Variants in TYMP observed in about 807,000 individuals in gnomAD.
TYMP encodes gliostatin.
In TYMP, 46 loss-of-function variants were observed where a neutral mutation model predicts 42.3. The ratio of observed to expected loss-of-function variants is 1.09; its 90% CI spans 0.86 to 1.39. TYMP has a LOEUF of 1.39. Ranked by LOEUF, TYMP falls within the 40% of genes most tolerant of loss-of-function variation. The probability of loss-of-function intolerance (pLI) is 0.00; values close to 1 mark genes in which losing one functional copy is unlikely to be tolerated. For missense variants in TYMP, 837 were observed against 677.6 expected (o/e 1.24, Z -2.61); for synonymous variants, 363 against 308.0 (o/e 1.18, Z -1.87).
intron 2 of TYMP, 44 bp from the exon 3 acceptor site, chr22:50,529,382 G>A (rs776983397): frequency 1.2e-6 from 2 of 1,607,524 alleles, no homozygotes; most frequent in Non-Finnish European, 1.7e-6. Flanking sequence ...CCACAGCGGT[G>A]GGGCACCCTG....
At position 50,527,815 on chromosome 22, in the gene TYMP, C is replaced by T. The variant is rs901343978; in HGVS notation, c.517-98G>A. On this transcript the variant is annotated intron_variant, in intron 4 of 9. Transcript: ENST00000252029. ...TTCTGTGAAGAGTCTTCCTCTGTTGCCCAGGCTGGAGTGCAGTTGGCACAA... is the reference window on the plus strand; with the variant it reads ...TTCTGTGAAGAGTCTTCCTCTGTTGTCCAGGCTGGAGTGCAGTTGGCACAA... 9 of 1,512,972 alleles carry T rather than the reference C, an allele frequency of 5.9e-6. No individual in the cohort carries two copies. The Admixed American group carries it at 1.1e-4, about 19-fold the overall frequency. 93.7% of individuals were successfully genotyped at this position (1,512,972 alleles called of 1,614,324 possible).
At position 50,529,638 on chromosome 22, in the gene TYMP, C is replaced by G; in HGVS notation, c.72G>C (p.Gln24His). 1 of 1,612,616 alleles carries G rather than the reference C, an allele frequency of 6.2e-7. No individual in the cohort carries two copies. The highest frequency in any genetic ancestry group is 8.5e-7 in the Non-Finnish European group (1 of 1,179,768). ...APGDFSGEGS[Q>H]GLPDPSPEPK... Reference sequence around the variant, plus strand: ...GCTCTGGCGAAGGGTCGGGAAGTCCCTGGCTCCCTTCCCCGGAGAAGTCAC... The same window carrying G: ...GCTCTGGCGAAGGGTCGGGAAGTCCGTGGCTCCCTTCCCCGGAGAAGTCAC... The change falls in exon 2 of 10, where the codon CAG becomes CAC. Residue 24 changes from glutamine to histidine, a missense_variant. Gln to His is a conservative substitution (Grantham distance 24). Transcript: ENST00000252029.
In TYMP at chr22:50,526,324, A is replaced by G. The variant is rs773643115; in HGVS notation, c.1081T>C (p.Cys361Arg). The G allele has an allele frequency of 1.9e-6, 3 of 1,562,406 alleles. No individual in the cohort carries two copies. Among genetic ancestry groups the G allele is most frequent in the Admixed American group, 1.8e-5 (1 of 56,456 alleles). ...CGGCGTTCTGCGGGACTTCCCGAGC[A>G]CAGGGCTCGGGCCAGACCGGGATCC... ...GVDPGLARAL[C>R]SGSPAERRQL... is the part of the protein sequence containing the mutation. The change falls in exon 8 of 10, where the codon TGC becomes CGC. Residue 361 changes from cysteine to arginine, a missense_variant. Cys to Arg is a radical substitution (Grantham distance 180). Transcript: ENST00000252029.
In TYMP at chr22:50,525,980, C is replaced by T. The variant is rs1433833468; in HGVS notation, c.1300+21G>A. ...GAGCTGGGCGGGGGTGCGGGGCCAGCAGGGCGGGGGCGGCGCTCACCACGG... is the reference window on the plus strand; with the variant it reads ...GAGCTGGGCGGGGGTGCGGGGCCAGTAGGGCGGGGGCGGCGCTCACCACGG... On this transcript the variant is annotated intron_variant, in intron 9 of 9. Transcript: ENST00000252029. The T allele has an allele frequency of 1.1e-5, 16 of 1,391,690 alleles. No individual in the cohort carries two copies. The East Asian group carries it at 4.2e-4, about 37-fold the overall frequency. The allele number at this position is 1,391,690 out of a possible 1,614,324, so 86.2% of individuals were successfully genotyped here. A position where few individuals can be genotyped will look rare whatever the true frequency, so the allele number is the denominator to read the frequency against.
In TYMP at chr22:50,526,442, C is replaced by G. The variant is rs1233240253; in HGVS notation, c.963G>C (p.Gly321=). The G allele has an allele frequency of 1.3e-6, 2 of 1,498,168 alleles. No individual in the cohort carries two copies. The highest frequency in any genetic ancestry group is 1.8e-6 in the Non-Finnish European group (2 of 1,133,012). The allele number at this position is 1,498,168 out of a possible 1,614,324, so 92.8% of individuals were successfully genotyped here. The change falls in exon 8 of 10, where the codon GGG becomes GGC. Residue 321 remains glycine (G), a synonymous_variant. Transcript: ENST00000252029. The part of the protein sequence containing the change: ...GALLWLSGHA[G]TQAQGAARVA... The stretch of plus-strand genomic sequence containing the variant: ...CCCGGGCAGCGCCCTGGGCCTGAGT[C>G]CCCGCGTGTCCGCTGAGCCAGAGCA...
At chr22:50,528,661 T>A (rs769697300) in intron 3 of TYMP, 51 bp from the exon 4 acceptor site, 2 of 1,406,500 alleles carry the variant, frequency 1.4e-6, no homozygotes, top group African/African-American at 2.8e-5. Flanking sequence ...CCCCCACCTC[T>A]GTGCATCCCT....
At position 50,526,670 on chromosome 22, in the gene TYMP, A is replaced by G. The variant is rs2069398939; in HGVS notation, c.834T>C (p.Gly278=). 1 of 1,552,914 alleles carries G rather than the reference A, an allele frequency of 6.4e-7. No individual in the cohort carries two copies. The highest frequency in any genetic ancestry group is 2.4e-5 in the East Asian group (1 of 41,544). Residue 278 remains glycine, a synonymous_variant, in exon 7 of 10, where the codon GGT becomes GGC. Transcript: ENST00000252029. ...AALTAMDKPL[G]RCVGHALEVE... ...CCTCCAGGGCGTGGCCCACGCAGCG[A>G]CCCAGGGGCTTGTCCATGGCGGTCA...
intron 4 of TYMP, chr22:50,528,013 C>T (rs2037374856): frequency 2.4e-6 from 1 of 425,204 alleles, no homozygotes; most frequent in African/African-American, 2.0e-5. Flanking sequence ...CTGGGCTCCT[C>T]TGCCTCCCAG....
chr22:50,527,335 G>A lies in TYMP; in HGVS notation c.647-52C>T, dbSNP rs748836793. On this transcript the variant is annotated intron_variant, in intron 5 of 9. Transcript: ENST00000252029. ...GACAATGGAGAACCTGGAGCTTCTT[G>A]GGAGAGTTCGGGGATGCCGACTTTG... The A allele has an allele frequency of 2.7e-6, 4 of 1,481,034 alleles. No homozygotes were observed. In the East Asian group the frequency reaches 9.0e-5, roughly 33 times the overall value. The allele number at this position is 1,481,034 out of a possible 1,614,324, so 91.7% of individuals were successfully genotyped here. A position where few individuals can be genotyped will look rare whatever the true frequency, so the allele number is the denominator to read the frequency against.
In TYMP at chr22:50,529,663, C is replaced by T. The variant is rs781163498; in HGVS notation, c.47G>A (p.Gly16Asp). ...CTGGCTCCCTTCCCCGGAGAAGTCA[C>T]CAGGCGCGGGTGGGGCCCCGGTTCC... Reference protein sequence around the residue: ...TPGTGAPPAPGDFSGEGSQGL... With the variant: ...TPGTGAPPAPDDFSGEGSQGL... Residue 16 changes from glycine to aspartate, a missense_variant, in exon 2 of 10, where the codon GGT becomes GAT. By Grantham distance (94) the Gly-to-Asp change is moderately conservative. Coordinates refer to ENST00000252029, the MANE Select transcript of TYMP (RefSeq NM_001953.5). 5.6e-6 allele frequency: 9 copies of T among 1,612,232 alleles called. No homozygotes were observed. Among genetic ancestry groups the T allele is most frequent in the Non-Finnish European group, 8.5e-7 (1 of 1,179,744 alleles).
chr22:50,528,213 C>G, intron 4 of TYMP: 1 of 467,438 alleles, frequency 2.1e-6, no homozygotes, highest in Non-Finnish European at 4.0e-6. Context: ...CCGTGTTATC[C>G]AGGCTGGTTT....
At chr22:50,526,828 G>A (rs1366236800) in intron 6 of TYMP, 90 bp from the exon 7 acceptor site, 12 of 1,364,258 alleles carry the variant, frequency 8.8e-6, no homozygotes. Flanking sequence ...TGCACCCTGG[G>A]TTGCCAGCCC....
chr22:50,528,795 G>C, intron 3 of TYMP, 185 bp from the exon 4 acceptor site: 2 of 652,730 alleles, frequency 3.1e-6, no homozygotes, highest in African/African-American at 3.6e-5. Context: ...AGGGGAGGAG[G>C]TTGGTACCTG....
chr22:50,529,904 C>G lies in TYMP; in HGVS notation c.-11G>C, dbSNP rs912835892. 1 of 618,506 alleles carries G rather than the reference C, an allele frequency of 1.6e-6. No individual in the cohort carries two copies. The highest frequency in any genetic ancestry group is 2.8e-6 in the Non-Finnish European group (1 of 353,856). The allele number at this position is 618,506 out of a possible 1,614,324, so 38.3% of individuals were successfully genotyped here. A position where few individuals can be genotyped will look rare whatever the true frequency, so the allele number is the denominator to read the frequency against. On this transcript the variant is annotated splice_region_variant and 5_prime_UTR_variant, in exon 1 of 10. Coordinates refer to ENST00000252029, the MANE Select transcript of TYMP (RefSeq NM_001953.5). ...CTCGCGACTTGAGCCCCGCCCGTACCTGCTTAGGGCGCTGCCCTCGCCCGC... is the reference window on the plus strand; with the variant it reads ...CTCGCGACTTGAGCCCCGCCCGTACGTGCTTAGGGCGCTGCCCTCGCCCGC...
At chr22:50,528,631 G>C (rs1569522698) in intron 3 of TYMP, 21 bp from the exon 4 acceptor site, 1 of 1,583,990 alleles carries the variant, frequency 6.3e-7, no homozygotes, top group Non-Finnish European at 8.7e-7. Context: ...GGGATGCTGA[G>C]TACCCTGCAC....
intron 5 of TYMP, 98 bp downstream of exon 5, chr22:50,527,490 G>C (rs769142470): frequency 1.9e-6 from 3 of 1,582,956 alleles, no homozygotes; most frequent in African/African-American, 1.3e-5. Flanking sequence ...GGGGGCACAC[G>C]GTCAGGTGAC....
At chr22:50,528,040 C>G in intron 4 of TYMP, 1 of 413,140 alleles carries the variant, frequency 2.4e-6, no homozygotes, top group South Asian at 2.2e-5. Context: ...GGGACAGGGT[C>G]TCACTCTGTT....
intron 5 of TYMP, 137 bp from the exon 6 acceptor site, chr22:50,527,420 G>C (rs1278045487): frequency 1.6e-6 from 2 of 1,268,692 alleles, no homozygotes; most frequent in African/African-American, 2.9e-5. Flanking sequence ...GCAGCACCTG[G>C]TGGGTTGAGT....
Position 50,526,657 on chromosome 22 carries a change from G to A in TYMP, c.847C>T (p.His283Tyr). The A allele has an allele frequency of 4.5e-6, 7 of 1,558,958 alleles. No individual in the cohort carries two copies. The highest frequency in any genetic ancestry group is 6.1e-6 in the Non-Finnish European group (7 of 1,154,286). ...MDKPLGRCVG[H>Y]ALEVEEALLC... ...AGCGCCTCCTCCACCTCCAGGGCGT[G>A]GCCCACGCAGCGACCCAGGGGCTTG... is the stretch of plus-strand genomic sequence containing the variant. Residue 283 changes from histidine to tyrosine, a missense_variant, in exon 7 of 10, where the codon CAC (histidine) becomes TAC (tyrosine). Transcript: ENST00000252029.
Sources: gnomAD v4.1 joint callset for allele counts on GRCh38, gnomAD v4.1.1 for gene constraint, MANE v1.5 for transcripts, NCBI Gene and HGNC (gene_info 2026-07-23, HGNC 2026-07-21) for gene names.